The following KLHL1 variants were observed in gnomAD, a reference collection of about 807,000 sequenced individuals.
KLHL1 encodes kelch like family member 1, also known as kelch-like protein 1.
A neutral mutation model predicts 77.7 loss-of-function variants in KLHL1; 47 were observed. That is an observed-to-expected ratio of 0.60 (90% CI 0.48 to 0.77). The LOEUF (loss-of-function observed/expected upper bound fraction) is 0.77. Among genes scored for constraint, KLHL1 ranks in the 30% least tolerant of loss-of-function variants. KLHL1 has a pLI of 0.00. For synonymous variants in KLHL1, 360 were observed against 325.2 expected, an observed-to-expected ratio of 1.11 and a Z score of -1.15; for missense variants, 925 against 910.8, an observed-to-expected ratio of 1.02 and a Z score of -0.20.
At chr13:70,029,332 T>C (rs536597583) in intron 1 of KLHL1, among the ~76,000 whole-genome samples, 54 of 152,302 alleles carry the variant, frequency 3.5e-4, no homozygotes, top group African/African-American at 1.2e-3. Flanking sequence ...CTGTAGAATA[T>C]AGTATTGCTA....
chr13:69,765,546 A>G (rs1875260548), intron 7 of KLHL1, among the ~76,000 whole-genome samples: 1 of 152,136 alleles, frequency 6.6e-6, no homozygotes, highest in Non-Finnish European at 1.5e-5. Flanking sequence ...AATTCCTACA[A>G]TGTCCGTGTC....
chr13:69,988,811 A>G (rs890311619), intron 1 of KLHL1, among the ~76,000 whole-genome samples: 1 of 151,502 alleles, frequency 6.6e-6, no homozygotes, highest in African/African-American at 2.4e-5. Flanking sequence ...GTGTTGTTTG[A>G]TTTTTGTGTG....
At chr13:69,791,430 G>T (rs1409890656) in intron 7 of KLHL1, among the ~76,000 whole-genome samples, 1 of 151,744 alleles carries the variant, frequency 6.6e-6, no homozygotes, top group African/African-American at 2.4e-5. Context: ...TTGATAAACT[G>T]ATCTTTTTTA....
At chr13:69,913,924 G>A (rs543757769) in intron 4 of KLHL1, among the ~76,000 whole-genome samples, 4 of 152,250 alleles carry the variant, frequency 2.6e-5, no homozygotes, top group African/African-American at 9.6e-5. Context: ...GACTGGGAAA[G>A]GCAGACCCAC....
intron 4 of KLHL1, among the ~76,000 whole-genome samples, chr13:69,936,803 T>A (rs1470008856): frequency 6.6e-6 from 1 of 152,064 alleles, no homozygotes; most frequent in Admixed American, 6.6e-5. Context: ...CAACATGAAT[T>A]TTCTCAAAAG....
intron 7 of KLHL1, among the ~76,000 whole-genome samples, chr13:69,761,875 T>G (rs749522484): frequency 2.0e-5 from 3 of 152,202 alleles, no homozygotes; most frequent in Non-Finnish European, 4.4e-5. Flanking sequence ...CAAATTATAT[T>G]AAAATATATG....
chr13:69,982,596 A>C (rs1884743616), intron 1 of KLHL1, among the ~76,000 whole-genome samples: 2 of 151,632 alleles, frequency 1.3e-5, no homozygotes, highest in South Asian at 2.1e-4. Flanking sequence ...AGAAAACAAT[A>C]AGCAAAATGG....
At chr13:70,097,577 A>T (rs1189785309) in intron 1 of KLHL1, among the ~76,000 whole-genome samples, 2 of 151,984 alleles carry the variant, frequency 1.3e-5, no homozygotes, top group Non-Finnish European at 2.9e-5. Context: ...GTAATCTTGG[A>T]CCTCTTTATG....
intron 6 of KLHL1, among the ~76,000 whole-genome samples, chr13:69,834,678 T>C (rs1049838734): frequency 6.6e-6 from 1 of 152,114 alleles, no homozygotes; most frequent in African/African-American, 2.4e-5. Context: ...GTTATCACAA[T>C]TAATAGTAAG....
intron 6 of KLHL1, among the ~76,000 whole-genome samples, chr13:69,813,971 G>T (rs542653129): frequency 9.2e-5 from 14 of 152,206 alleles, no homozygotes; most frequent in South Asian, 6.2e-4. Context: ...AAAGTTGGAG[G>T]CATCACATTA....
intron 1 of KLHL1, among the ~76,000 whole-genome samples, chr13:70,047,964 G>A (rs372318699): frequency 6.6e-6 from 1 of 152,104 alleles, no homozygotes; most frequent in African/African-American, 2.4e-5. Flanking sequence ...GAACAAGACA[G>A]AACTATTTAA....
intron 1 of KLHL1, among the ~76,000 whole-genome samples, chr13:70,097,048 T>C (rs765684771): frequency 6.6e-5 from 10 of 151,958 alleles, no homozygotes; most frequent in Non-Finnish European, 1.2e-4. Flanking sequence ...GAAAAATACT[T>C]AAGTGAGTTG....
chr13:70,042,724 T>C (rs1400174063), intron 1 of KLHL1, among the ~76,000 whole-genome samples: 2 of 152,216 alleles, frequency 1.3e-5, no homozygotes, highest in East Asian at 1.9e-4. Context: ...CGGACTCCTA[T>C]GTTTATTTAA....
intron 1 of KLHL1, among the ~76,000 whole-genome samples, chr13:70,056,876 A>C (rs1253991656): frequency 6.6e-6 from 1 of 152,188 alleles, no homozygotes; most frequent in Non-Finnish European, 1.5e-5. Context: ...AAGGAAAAAA[A>C]CAAAACAACT....
At chr13:69,860,478 G>A (rs918594602) in intron 5 of KLHL1, among the ~76,000 whole-genome samples, 7 of 151,924 alleles carry the variant, frequency 4.6e-5, no homozygotes, top group Non-Finnish European at 8.8e-5. Flanking sequence ...ATTTTAGCAT[G>A]TATTTAAAAA....
chr13:70,071,931 AG>A (rs1887147502), intron 1 of KLHL1, among the ~76,000 whole-genome samples: 1 of 152,106 alleles, frequency 6.6e-6, no homozygotes, highest in Non-Finnish European at 1.5e-5. Flanking sequence ...TTAAGCCTGA[AG>A]TAAGCAGAAG....
At position 69,707,749 on chromosome 13, in the gene KLHL1, A is replaced by G; in HGVS notation, c.2063T>C (p.Met688Thr). The change falls in exon 10 of 11, where the codon ATG becomes ACG. Residue 688 changes from methionine to threonine, a missense_variant. Met to Thr is a moderately conservative substitution (Grantham distance 81, BLOSUM62 -1). Transcript: ENST00000377844. Reference protein sequence around the residue: ...DTWTMVAPLSMPRDAVGVCLL... With the variant: ...DTWTMVAPLSTPRDAVGVCLL... The stretch of plus-strand genomic sequence containing the variant: ...ACAGACCCCAACAGCATCTCTGGGC[A>G]TACTCAAAGGAGCCACCATGGTCCA... 6.2e-7 allele frequency: 1 copy of G among 1,612,888 alleles called. No individual in the cohort carries two copies. The highest frequency in any genetic ancestry group is 8.5e-7 in the Non-Finnish European group (1 of 1,179,226).
chr13:70,034,622 T>C (rs1886193982), intron 1 of KLHL1, among the ~76,000 whole-genome samples: 1 of 152,154 alleles, frequency 6.6e-6, no homozygotes, highest in African/African-American at 2.4e-5. Context: ...TGAAATCTTT[T>C]TTATCAGAAA....
chr13:69,975,891 T>A, intron 1 of KLHL1, 89 bp from the exon 2 acceptor site: 1 of 1,377,102 alleles, frequency 7.3e-7, no homozygotes, highest in Non-Finnish European at 9.4e-7. Context: ...CAGGTTTTTA[T>A]CATTTTCTTA....
Sources: allele counts gnomAD v4.1 joint callset (sites outside exome capture counted in the v4.1 genomes callset), GRCh38; gene constraint gnomAD v4.1.1; transcripts MANE v1.5; gene names NCBI Gene and HGNC (gene_info 2026-07-23, HGNC 2026-07-21).